The following MARCO variants were observed in gnomAD, a reference collection of about 807,000 sequenced individuals.
The protein encoded by MARCO is macrophage receptor with collagenous structure.
A neutral mutation model predicts 70.0 loss-of-function variants in MARCO; 72 were observed. The ratio of observed to expected loss-of-function variants is 1.03; its 90% CI spans 0.85 to 1.25. The LOEUF (loss-of-function observed/expected upper bound fraction) is 1.25. Among genes scored for constraint, MARCO ranks in the 50% most tolerant of loss-of-function variants. MARCO has a pLI of 0.00. For missense variants in MARCO, 696 were observed against 659.3 expected (o/e 1.06, Z -0.61); for synonymous variants, 273 against 243.1 (o/e 1.12, Z -1.14).
At chr2:118,990,674 G>A (rs199542007) in intron 13 of MARCO, 41 bp downstream of exon 13, 176 of 1,597,158 alleles carry the variant, frequency 1.1e-4, no homozygotes, top group East Asian at 7.9e-4. Flanking sequence ...GAGTGATGAC[G>A]GGGAAGGCCT....
intron 1 of MARCO, among the ~76,000 whole-genome samples, chr2:118,945,619 G>T (rs760412069): frequency 7.2e-5 from 11 of 151,784 alleles, no homozygotes; most frequent in Non-Finnish European, 1.0e-4. Context: ...CACCATGTTG[G>T]CCAAGCTGGT....
chr2:118,980,719 C>CAT (rs1263769536), intron 8 of MARCO, among the ~76,000 whole-genome samples: 2 of 152,120 alleles, frequency 1.3e-5, no homozygotes, highest in East Asian at 1.9e-4. Context: ...ACCTTGGCAG[C>CAT]CTACCAGTAG....
chr2:118,991,725 T>C lies in MARCO; in HGVS notation c.1109-52T>C, dbSNP rs866174132. 3.5e-6 allele frequency: 4 copies of C among 1,144,480 alleles called. 1 individual carries two copies. The highest frequency in any genetic ancestry group is 3.8e-6 in the Non-Finnish European group (3 of 797,234). 70.9% of individuals were successfully genotyped at this position (1,144,480 alleles called of 1,614,324 possible). ...TTAAACAGTAATGCCCTTGGGTCTCTCTTGGGAAGGCAAAGCAGGGCACCT... is the reference window on the plus strand; with the variant it reads ...TTAAACAGTAATGCCCTTGGGTCTCCCTTGGGAAGGCAAAGCAGGGCACCT... On this transcript the variant is annotated intron_variant, in intron 13 of 16. Coordinates refer to ENST00000327097, the MANE Select transcript of MARCO (RefSeq NM_006770.4).
At chr2:118,961,760 T>C (rs1679952161) in intron 1 of MARCO, among the ~76,000 whole-genome samples, 1 of 152,244 alleles carries the variant, frequency 6.6e-6, no homozygotes, top group Non-Finnish European at 1.5e-5. Context: ...TTGTTGCAGT[T>C]GCTTTTGGCA....
In MARCO at chr2:118,986,730, G is replaced by GA. The variant is rs1459312590; in HGVS notation, c.1064-3856dup. On this transcript the variant is annotated intron_variant, in intron 12 of 16. Transcript: ENST00000327097. The stretch of plus-strand genomic sequence containing the variant: ...GAAAGAAAGAAAGAAAGAAAAGAAA[G>GA]AAAGAAAGAGAAAGAAAGAGAAAGA... Among the ~76,000 whole-genome samples the GA allele has an allele frequency of 1.0e-4, 13 of 125,910 alleles. 1 individual carries two copies. The highest frequency in any genetic ancestry group is 7.6e-5 in the African/African-American group (2 of 26,446). 82.6% of individuals were successfully genotyped at this position (125,910 alleles called of 152,430 possible).
chr2:118,946,325 A>G (rs1679599513), intron 1 of MARCO, among the ~76,000 whole-genome samples: 1 of 150,116 alleles, frequency 6.7e-6, no homozygotes, highest in African/African-American at 2.5e-5. Flanking sequence ...CATACCCCTC[A>G]CTCCCCCACC....
rs751792105 is a variant in MARCO, at chr2:118,981,448, T to C, written c.806T>C (p.Val269Ala). The C allele has an allele frequency of 4.4e-6, 7 of 1,597,238 alleles. No individual in the cohort carries two copies. Among genetic ancestry groups the C allele is most frequent in the Non-Finnish European group, 6.0e-6 (7 of 1,176,294 alleles). Residue 269 changes from valine to alanine, a missense_variant, in exon 9 of 17, where the codon GTC becomes GCC. By Grantham distance (64) the Val-to-Ala change is moderately conservative. Transcript: ENST00000327097. The part of the protein sequence containing the change: ...GDRGMKGDAG[V>A]MGPPGAQGSK... ...AGGGGCATGAAAGGAGATGCAGGGG[T>C]CATGGGGCCTCCTGGAGCCCAGGGG...
At position 118,971,533 on chromosome 2, in the gene MARCO, A is replaced by C. The variant is rs752918689; in HGVS notation, c.459A>C (p.Pro153=). 5.6e-6 allele frequency: 9 copies of C among 1,613,902 alleles called. No individual in the cohort carries two copies. In the East Asian group the frequency reaches 1.8e-4, roughly 32 times the overall value. The change falls in exon 4 of 17, where the codon CCA becomes CCC. Residue 153 remains proline, a splice_region_variant and synonymous_variant. Coordinates refer to ENST00000327097, the MANE Select transcript of MARCO (RefSeq NM_006770.4). ...GAATCAAAGGTGAACAAGGCGCCCCAGGTAGGTTCATTTCCACTCACACCC... is the reference window on the plus strand; with the variant it reads ...GAATCAAAGGTGAACAAGGCGCCCCCGGTAGGTTCATTTCCACTCACACCC... ...MFRIKGEQGA[P]GLQGHKGAMG...
rs1241926054 is a variant in MARCO at position 118,977,323 on chromosome 2, AGAGAGAGAGAGAGTGAGAGT to A, written c.614-135_614-116del. On this transcript the variant is annotated intron_variant, in intron 6 of 16. Transcript: ENST00000327097. ...GTGTGTGCATGTGTGTGAAAAAGAG[AGAGAGAGAGAGAGTGAGAGT>A]GAGAGAGAGAGAAAGATCTCCTTCT... The A allele has an allele frequency of 2.8e-5, 16 of 576,734 alleles. 1 individual carries two copies. The highest frequency in any genetic ancestry group is 4.5e-5 in the Non-Finnish European group (15 of 336,386). 35.7% of individuals were successfully genotyped at this position (576,734 alleles called of 1,614,324 possible).
At chr2:118,946,676 G>A (rs558863797) in intron 1 of MARCO, among the ~76,000 whole-genome samples, 2 of 152,132 alleles carry the variant, frequency 1.3e-5, no homozygotes, top group African/African-American at 2.4e-5. Flanking sequence ...ATTTCTCCAA[G>A]GTAAATGTCC....
At chr2:118,982,649 C>T (rs771480081) in intron 12 of MARCO, among the ~76,000 whole-genome samples, 19 of 152,150 alleles carry the variant, frequency 1.2e-4, no homozygotes, top group Non-Finnish European at 1.0e-4. Flanking sequence ...ACCAAACCTC[C>T]AGCATCACGG....
intron 4 of MARCO, among the ~76,000 whole-genome samples, chr2:118,972,887 C>T (rs1162461678): frequency 6.6e-6 from 1 of 152,192 alleles, no homozygotes; most frequent in Admixed American, 6.5e-5. Flanking sequence ...GCCTGTCACC[C>T]GCCCTAGGCA....
chr2:118,965,201 G>T (rs1680022252), intron 1 of MARCO, among the ~76,000 whole-genome samples: 1 of 152,016 alleles, frequency 6.6e-6, no homozygotes, highest in African/African-American at 2.4e-5. Flanking sequence ...TTTGTTACTG[G>T]CCCACAGGTC....
intron 12 of MARCO, 92 bp from the exon 13 acceptor site, chr2:118,990,497 C>T: frequency 8.0e-7 from 1 of 1,244,214 alleles, no homozygotes; most frequent in Non-Finnish European, 1.2e-6. Flanking sequence ...CTGCATTAAT[C>T]AGACAAAAGG....
rs10676998 is a variant in MARCO, at chr2:118,960,118, A to AAATAAT, written c.98-9027_98-9022dup. On this transcript the variant is annotated intron_variant, in intron 1 of 16. Coordinates refer to ENST00000327097, the MANE Select transcript of MARCO (RefSeq NM_006770.4). Reference sequence around the variant, plus strand: ...CAATAACTTATGGAAAAATAAAATAAAATAATAATAATAATAATAAATAAA... The same window carrying AAATAAT: ...CAATAACTTATGGAAAAATAAAATAAAATAATAATAATAATAATAATAATAAATAAA... Among the ~76,000 whole-genome samples, 1,170 of 149,954 alleles carry AAATAAT rather than the reference A, an allele frequency of 7.8e-3. 16 individuals carry two copies. The highest frequency in any genetic ancestry group is 0.026 in the African/African-American group (1,075 of 40,740).
At chr2:118,948,141 G>A (rs1434032856) in intron 1 of MARCO, among the ~76,000 whole-genome samples, 1 of 152,212 alleles carries the variant, frequency 6.6e-6, no homozygotes, top group Admixed American at 6.5e-5. Flanking sequence ...AGAAAAGTTA[G>A]CACAGAGACA....
At chr2:118,967,420 G>A (rs112261895) in intron 1 of MARCO, among the ~76,000 whole-genome samples, 36 of 152,230 alleles carry the variant, frequency 2.4e-4, no homozygotes, top group African/African-American at 4.8e-4. Context: ...CTGGCCAGAC[G>A]GGCTTCAGGT....
At chr2:118,945,235 G>A (rs1679573032) in intron 1 of MARCO, among the ~76,000 whole-genome samples, 1 of 151,990 alleles carries the variant, frequency 6.6e-6, no homozygotes, top group Non-Finnish European at 1.5e-5. Flanking sequence ...ATATCTTTCT[G>A]GGATGTGTCT....
intron 6 of MARCO, among the ~76,000 whole-genome samples, 163 bp from the exon 7 acceptor site, chr2:118,977,308 G>C (rs1680301413): frequency 6.6e-6 from 1 of 150,668 alleles, no homozygotes; most frequent in South Asian, 2.1e-4. Context: ...GTGTGTGCAT[G>C]TGTGTGAAAA....
Sources: allele counts gnomAD v4.1 joint callset (sites outside exome capture counted in the v4.1 genomes callset), GRCh38; gene constraint gnomAD v4.1.1; transcripts MANE v1.5; gene names NCBI Gene and HGNC (gene_info 2026-07-23, HGNC 2026-07-21).